Variants in GOLM1 observed in about 807,000 individuals in gnomAD.
GOLM1 encodes the protein golgi membrane protein 1.
A neutral mutation model predicts 50.5 loss-of-function variants in GOLM1; 31 were observed. The observed-to-expected ratio is 0.61, with a 90% CI of 0.46 to 0.83. The LOEUF is 0.83. Ranked by LOEUF, GOLM1 falls within the 40% of genes least tolerant of loss-of-function variation. GOLM1 has a pLI of 0.00. For missense variants in GOLM1, 491 were observed against 501.3 expected, an observed-to-expected ratio of 0.98 and a Z score of 0.20; for synonymous variants, 178 against 192.8, an observed-to-expected ratio of 0.92 and a Z score of 0.64.
chr9:86,053,622 A>T (rs1234909574), intron 3 of GOLM1, among the ~76,000 whole-genome samples: 29 of 2,270 alleles, frequency 0.013, 1 homozygote, highest in Admixed American at 0.017. Flanking sequence ...CACCACACCA[A>T]ACATCACTAC....
In GOLM1 at chr9:86,026,529, C is replaced by CCCCTCTGAAAA. The variant is rs749849863; in HGVS notation, c.*1277_*1287dup. 7.3e-5 allele frequency: 65 copies of CCCCTCTGAAAA among 884,794 alleles called. No homozygotes were observed. Among genetic ancestry groups the CCCCTCTGAAAA allele is most frequent in the Non-Finnish European group, 8.3e-5 (61 of 738,272 alleles). 54.8% of individuals were successfully genotyped at this position (884,794 alleles called of 1,614,324 possible). A position where few individuals can be genotyped will look rare whatever the true frequency, so the allele number is the denominator to read the frequency against. Reference sequence around the variant, plus strand: ...CTCTGTAACTTCTAGGCCCCATTTTCCCCTCTGAAAATAAGAGGGTTGGAT... The same window carrying CCCCTCTGAAAA: ...CTCTGTAACTTCTAGGCCCCATTTTCCCCTCTGAAAACCCTCTGAAAATAAGAGGGTTGGAT... On this transcript the variant is annotated 3_prime_UTR_variant, in exon 10 of 10. Coordinates refer to ENST00000388712, the MANE Select transcript of GOLM1 (RefSeq NM_016548.4).
intron 3 of GOLM1, among the ~76,000 whole-genome samples, chr9:86,072,904 G>T (rs1248954488): frequency 6.8e-6 from 1 of 146,980 alleles, no homozygotes; most frequent in Non-Finnish European, 1.5e-5. Context: ...TAACACAGTG[G>T]TAAGTATTTG....
rs529468625 is a variant in GOLM1, at chr9:86,033,996, ACT to A, written c.1016-603_1016-602del. The stretch of plus-strand genomic sequence containing the variant: ...TTTTTTTTTTTTGAGATGGAGTCTC[ACT>A]CTGTCGCCCAGGCTGGAGTGCGGTG... On this transcript the variant is annotated intron_variant, in intron 8 of 9. Coordinates refer to ENST00000388712, the MANE Select transcript of GOLM1 (RefSeq NM_016548.4). 2.0e-3 allele frequency among the ~76,000 whole-genome samples: 279 copies of A among 142,414 alleles called. 5 individuals are homozygous for A. The highest frequency in any genetic ancestry group is 0.018 in the Admixed American group (246 of 13,720). The allele number at this position is 142,414 out of a possible 152,430, so 93.4% of individuals were successfully genotyped here.
chr9:86,026,301 G>GTACTC lies in GOLM1; in HGVS notation c.*1511_*1515dup, dbSNP rs1832779728. The GTACTC allele has an allele frequency of 1.0e-6, 1 of 984,052 alleles. No homozygotes were observed. The highest frequency in any genetic ancestry group is 1.2e-6 in the Non-Finnish European group (1 of 828,710). 61.0% of individuals were successfully genotyped at this position (984,052 alleles called of 1,614,324 possible). A position where few individuals can be genotyped will look rare whatever the true frequency, so the allele number is the denominator to read the frequency against. On this transcript the variant is annotated 3_prime_UTR_variant, in exon 10 of 10. Transcript: ENST00000388712. ...GAAGAGGACTTAGAAGAGTATGAAA[G>GTACTC]TACTCTAAGATTTTATCTAAGTTGC...
Position 86,077,677 on chromosome 9 carries a change from G to A in GOLM1, c.130-86C>T, listed in dbSNP as rs146395822. On this transcript the variant is annotated intron_variant, in intron 2 of 9. Coordinates refer to ENST00000388712, the MANE Select transcript of GOLM1 (RefSeq NM_016548.4). ...GAGCGCCCTCCACAAAGACCACCTTGGGGCCCAGGGCCAGCACCAGTCTTA... is the reference window on the plus strand; with the variant it reads ...GAGCGCCCTCCACAAAGACCACCTTAGGGCCCAGGGCCAGCACCAGTCTTA... 2.7e-4 allele frequency: 239 copies of A among 885,104 alleles called. 1 individual carries two copies. In the African/African-American group the frequency reaches 3.5e-3, roughly 13 times the overall value. The allele number at this position is 885,104 out of a possible 1,614,324, so 54.8% of individuals were successfully genotyped here. A position where few individuals can be genotyped will look rare whatever the true frequency, so the allele number is the denominator to read the frequency against.
chr9:86,056,998 T>C (rs1834013066), intron 3 of GOLM1, among the ~76,000 whole-genome samples: 1 of 152,226 alleles, frequency 6.6e-6, no homozygotes, highest in African/African-American at 2.4e-5. Flanking sequence ...AAATGAATTA[T>C]ATATTCTACT....
At position 86,035,415 on chromosome 9, in the gene GOLM1, A is replaced by T. The variant is rs532411415; in HGVS notation, c.968T>A (p.Leu323His). 1 of 1,613,862 alleles carries T rather than the reference A, an allele frequency of 6.2e-7. No individual in the cohort carries two copies. Among genetic ancestry groups the T allele is most frequent in the Admixed American group, 1.7e-5 (1 of 60,002 alleles). The change falls in exon 8 of 10, where the codon CTT (leucine) becomes CAT (histidine). Residue 323 changes from leucine (L) to histidine (H), a missense_variant. Leu to His is a moderately conservative substitution (Grantham distance 99). Transcript: ENST00000388712. The part of the protein sequence containing the change: ...PEMEGPERDQ[L>H]VIPDGQEEEQ... ...CTCCTCCTGTCCGTCGGGGATGACA[A>T]GCTGGTCTCGCTCAGGGCCCTCCAT... is the stretch of plus-strand genomic sequence containing the variant.
At chr9:86,044,324 G>T (rs1465180435) in intron 5 of GOLM1, among the ~76,000 whole-genome samples, 1 of 152,224 alleles carries the variant, frequency 6.6e-6, no homozygotes, top group African/African-American at 2.4e-5. Flanking sequence ...CTACAGAGAC[G>T]TGTACTTGGG....
intron 3 of GOLM1, among the ~76,000 whole-genome samples, chr9:86,062,440 G>A (rs566533989): frequency 4.6e-5 from 7 of 151,386 alleles, no homozygotes; most frequent in Admixed American, 3.9e-4. Context: ...GCAAAGGATG[G>A]TGAGGAGAGG....
chr9:86,027,985 G>A, intron 9 of GOLM1, 92 bp from the exon 10 acceptor site: 3 of 700,744 alleles, frequency 4.3e-6, no homozygotes, highest in Non-Finnish European at 7.3e-6. Context: ...TCTAGAAACT[G>A]TCATAAAGAG....
intron 3 of GOLM1, among the ~76,000 whole-genome samples, chr9:86,053,432 CCA>C (rs1348719028): frequency 1.5e-5 from 2 of 129,656 alleles, no homozygotes; most frequent in South Asian, 2.5e-4. Flanking sequence ...CCACACCACA[CCA>C]CACACCATTC....
At chr9:86,099,258 A>AG (rs1463161272) in intron 1 of GOLM1, among the ~76,000 whole-genome samples, 153 bp downstream of exon 1, 3 of 151,858 alleles carry the variant, frequency 2.0e-5, no homozygotes, top group Non-Finnish European at 2.9e-5. Flanking sequence ...CCCCGAGCGC[A>AG]GCCAGCGAAG....
chr9:86,077,156 C>G (rs1376825816), intron 3 of GOLM1, among the ~76,000 whole-genome samples: 1 of 151,958 alleles, frequency 6.6e-6, no homozygotes, highest in Non-Finnish European at 1.5e-5. Flanking sequence ...AAAAAAAAAG[C>G]CAATAGGAGG....
intron 1 of GOLM1, among the ~76,000 whole-genome samples, chr9:86,092,421 G>A (rs1014812256): frequency 2.0e-5 from 3 of 152,144 alleles, no homozygotes; most frequent in African/African-American, 4.8e-5. Context: ...CATTACCTGG[G>A]GCTGACCTAC....
rs1043805404 is a variant in GOLM1, at chr9:86,031,925, C to CAAA, written c.1129+1354_1129+1356dup. 6.7e-3 allele frequency among the ~76,000 whole-genome samples: 239 copies of CAAA among 35,920 alleles called. 6 individuals carry two copies. The highest frequency in any genetic ancestry group is 0.018 in the African/African-American group (182 of 10,032). 23.6% of individuals were successfully genotyped at this position (35,920 alleles called of 152,430 possible). On this transcript the variant is annotated intron_variant, in intron 9 of 9. Transcript: ENST00000388712. ...AGGGTGACAGAGCGAGACTCCATCT[C>CAAA]AAAAAAAAAAAAAAAAAAAAAAAAA...
At chr9:86,083,988 C>G (rs927239621) in intron 1 of GOLM1, among the ~76,000 whole-genome samples, 21 of 152,276 alleles carry the variant, frequency 1.4e-4, no homozygotes, top group South Asian at 4.1e-4. Context: ...CGGTGCTGTC[C>G]TAGATCCTCC....
chr9:86,056,471 C>T (rs893683065), intron 3 of GOLM1, among the ~76,000 whole-genome samples: 24 of 149,840 alleles, frequency 1.6e-4, no homozygotes, highest in Admixed American at 3.3e-4. Context: ...ACCCTGAGTT[C>T]GACAAAATGA....
intron 1 of GOLM1, among the ~76,000 whole-genome samples, chr9:86,097,430 T>C (rs1835384057): frequency 6.6e-6 from 1 of 152,116 alleles, no homozygotes; most frequent in African/African-American, 2.4e-5. Context: ...GAAAAAGAAA[T>C]GTATCTTTTT....
chr9:86,083,494 C>T (rs781018664), intron 1 of GOLM1, among the ~76,000 whole-genome samples: 7 of 152,206 alleles, frequency 4.6e-5, no homozygotes, highest in Non-Finnish European at 8.8e-5. Flanking sequence ...AAAGGATTCT[C>T]CCATCTCAGC....
Sources: gnomAD v4.1 joint callset for allele counts (sites outside exome capture counted in the v4.1 genomes callset) on GRCh38, gnomAD v4.1.1 for gene constraint, MANE v1.5 for transcripts, NCBI Gene and HGNC (gene_info 2026-07-23, HGNC 2026-07-21) for gene names.